Variants in TEX9 observed in about 807,000 individuals in gnomAD.
TEX9 encodes testis expressed 9.
In TEX9, 74 loss-of-function variants were observed where a neutral mutation model predicts 59.6. The ratio of observed to expected loss-of-function variants is 1.24; its 90% CI spans 1.03 to 1.51. The LOEUF (loss-of-function observed/expected upper bound fraction) is 1.51. Ranked by LOEUF, TEX9 falls within the 40% of genes most tolerant of loss-of-function variation. TEX9 has a pLI of 0.00. For missense variants in TEX9, 522 were observed against 447.8 expected (o/e 1.17, Z -1.49); for synonymous variants, 186 against 152.2 (o/e 1.22, Z -1.64).
chr15:56,416,991 C>T (rs1353004024), intron 10 of TEX9, among the ~76,000 whole-genome samples: 2 of 151,752 alleles, frequency 1.3e-5, no homozygotes, highest in African/African-American at 2.4e-5. Context: ...AGTTTGTGTG[C>T]ATAGAGGTGT....
intron 1 of TEX9, among the ~76,000 whole-genome samples, chr15:56,317,636 A>G (rs926371650): frequency 5.9e-5 from 9 of 151,956 alleles, no homozygotes; most frequent in Non-Finnish European, 8.8e-5. Flanking sequence ...TCTATTTGAG[A>G]TCTTTTTTTA....
intron 9 of TEX9, among the ~76,000 whole-genome samples, chr15:56,404,640 C>T (rs1292054104): frequency 2.0e-5 from 3 of 152,142 alleles, no homozygotes; most frequent in African/African-American, 7.2e-5. Context: ...TGAGTATATA[C>T]CCAAAGATTA....
At chr15:56,380,426 T>G (rs2047672124) in intron 3 of TEX9, among the ~76,000 whole-genome samples, 1 of 147,320 alleles carries the variant, frequency 6.8e-6, no homozygotes, top group Non-Finnish European at 1.5e-5. Flanking sequence ...CATCATTTAG[T>G]CTTTCTACTT....
At chr15:56,337,132 A>G (rs1424438422) in intron 1 of TEX9, among the ~76,000 whole-genome samples, 1 of 152,220 alleles carries the variant, frequency 6.6e-6, no homozygotes, top group Non-Finnish European at 1.5e-5. Flanking sequence ...GAAAAAGATT[A>G]GTGGGAAAAA....
At chr15:56,264,549 A>T (rs1408635809) in intron 1 of TEX9, among the ~76,000 whole-genome samples, 2 of 152,114 alleles carry the variant, frequency 1.3e-5, no homozygotes, top group Non-Finnish European at 2.9e-5. Context: ...ATTTTCTTAC[A>T]TGGTCTTTTG....
chr15:56,317,151 C>G (rs2045794373), intron 1 of TEX9, among the ~76,000 whole-genome samples: 1 of 152,188 alleles, frequency 6.6e-6, no homozygotes. Context: ...GGAGCTGTTC[C>G]TATTTGGCCA....
intron 1 of TEX9, among the ~76,000 whole-genome samples, chr15:56,262,101 T>C (rs2044282440): frequency 6.6e-6 from 1 of 152,172 alleles, no homozygotes; most frequent in Non-Finnish European, 1.5e-5. Flanking sequence ...TAGGGAAAAC[T>C]ATGCATCCTG....
Position 56,391,240 on chromosome 15 carries a change from T to C in TEX9, c.396-3T>C. 2 of 1,540,318 alleles carry C rather than the reference T, an allele frequency of 1.3e-6. No individual in the cohort carries two copies. Among genetic ancestry groups the C allele is most frequent in the Non-Finnish European group, 1.7e-6 (2 of 1,147,550 alleles). ...ACATATGTATTTAATTTTTATTTTT[T>C]AGTGTTAAATTGAAATACTCTGATG... On this transcript the variant is annotated splice_polypyrimidine_tract_variant and splice_region_variant and intron_variant, in intron 6 of 12. Transcript: ENST00000352903.
intron 1 of TEX9, among the ~76,000 whole-genome samples, chr15:56,348,279 A>C (rs1257616004): frequency 6.6e-6 from 1 of 152,066 alleles, no homozygotes; most frequent in Non-Finnish European, 1.5e-5. Context: ...AATTTTGTGA[A>C]GTACTCCTTC....
At chr15:56,454,644 A>T in the TEX9 span, among the ~76,000 whole-genome samples, 1 of 152,102 alleles carries the variant, frequency 6.6e-6, no homozygotes, top group Non-Finnish European at 1.5e-5. Context: ...TACTGTTTTC[A>T]TTACTTGCAA....
chr15:56,320,498 TAGAG>T (rs2045877975), intron 1 of TEX9, among the ~76,000 whole-genome samples: 2 of 147,572 alleles, frequency 1.4e-5, no homozygotes, highest in South Asian at 2.2e-4. Context: ...AAGAGAGAGA[TAGAG>T]AGGAGAAAGA....
At chr15:56,354,050 T>C (rs979267456) in intron 1 of TEX9, among the ~76,000 whole-genome samples, 6 of 152,212 alleles carry the variant, frequency 3.9e-5, no homozygotes, top group Admixed American at 3.9e-4. Flanking sequence ...TGTAGTGAAA[T>C]AGAAAATGCA....
At chr15:56,292,006 A>G (rs35187662) in intron 1 of TEX9, among the ~76,000 whole-genome samples, 45,495 of 152,154 alleles carry the variant, frequency 0.3, 7,869 homozygotes, top group Middle Eastern at 0.48. Flanking sequence ...GGATGCCTCA[A>G]CTGAGGCGCT....
chr15:56,434,083 T>G, intron 12 of TEX9: 3 of 1,538,830 alleles, frequency 1.9e-6, no homozygotes, highest in African/African-American at 1.4e-5. Flanking sequence ...GGATGATAGA[T>G]GAGCTATTGC....
chr15:56,379,908 C>T (rs1567110108), intron 3 of TEX9, among the ~76,000 whole-genome samples: 1 of 148,786 alleles, frequency 6.7e-6, no homozygotes, highest in Non-Finnish European at 1.5e-5. Context: ...TATTTTCAGT[C>T]TATATATATA....
At chr15:56,307,661 A>G (rs2045514691) in intron 1 of TEX9, among the ~76,000 whole-genome samples, 1 of 152,330 alleles carries the variant, frequency 6.6e-6, no homozygotes, top group East Asian at 1.9e-4. Flanking sequence ...GAGTTGCACA[A>G]TCACCAAGGT....
rs1003520690 is a variant in TEX9 at position 56,413,933 on chromosome 15, C to T, written c.963+1497C>T. ...GAGATAGTTTGTTATATGGTCAGGT[C>T]ATTTTCATATTCAGGGGCCATCAAT... On this transcript the variant is annotated intron_variant, in intron 10 of 12. Coordinates refer to ENST00000352903, the Ensembl canonical transcript of TEX9. 4.6e-5 allele frequency among the ~76,000 whole-genome samples: 7 copies of T among 151,600 alleles called. 1 individual carries two copies. The highest frequency in any genetic ancestry group is 3.2e-3 in the Middle Eastern group (1 of 316).
intron 1 of TEX9, among the ~76,000 whole-genome samples, chr15:56,288,698 T>G (rs1438599961): frequency 6.6e-6 from 1 of 152,196 alleles, no homozygotes; most frequent in Non-Finnish European, 1.5e-5. Context: ...GGCAGTTTGA[T>G]TATAATGTCT....
At chr15:56,290,025 G>A (rs2045051064) in intron 1 of TEX9, among the ~76,000 whole-genome samples, 1 of 152,204 alleles carries the variant, frequency 6.6e-6, no homozygotes, top group African/African-American at 2.4e-5. Context: ...GTGTGAATTA[G>A]CTAACTATTG....
Sources: gnomAD v4.1 joint callset for allele counts (sites outside exome capture counted in the v4.1 genomes callset) on GRCh38, gnomAD v4.1.1 for gene constraint, MANE v1.5 for transcripts, NCBI Gene and HGNC (gene_info 2026-07-23, HGNC 2026-07-21) for gene names.